Variants in CHRNB1 observed in about 807,000 individuals in gnomAD.
CHRNB1 encodes cholinergic receptor nicotinic beta 1 subunit.
A neutral mutation model predicts 53.8 loss-of-function variants in CHRNB1; 47 were observed. The observed-to-expected ratio is 0.87, with a 90% CI of 0.69 to 1.11. The LOEUF (loss-of-function observed/expected upper bound fraction) is 1.11. Ranked by LOEUF, CHRNB1 falls within the 50% of genes most tolerant of loss-of-function variation. The probability of loss-of-function intolerance (pLI) is 0.00; values close to 1 mark genes in which losing one functional copy is unlikely to be tolerated. For missense variants in CHRNB1, 605 were observed against 654.9 expected (o/e 0.92, Z 0.83); for synonymous variants, 259 against 263.5 (o/e 0.98, Z 0.16).
At chr17:7,455,519 T>C in intron 9 of CHRNB1, 63 bp downstream of exon 9, 1 of 1,598,834 alleles carries the variant, frequency 6.3e-7, no homozygotes, top group Non-Finnish European at 8.6e-7. Context: ...CAGAAGAGTG[T>C]GCGGAAGAAG....
rs755694034 is a variant in CHRNB1, at chr17:7,455,428, A to G, written c.1189A>G (p.Ser397Gly). Residue 397 changes from serine (S) to glycine (G), a missense_variant, in exon 9 of 11, where the codon AGT becomes GGT. Coordinates refer to ENST00000306071, the MANE Select transcript of CHRNB1 (RefSeq NM_000747.3). ...TGAATATTTCATCCGGAAGCCGCCAAGTGATTTTCTCTTCCCCAAACCCAA... is the reference window on the plus strand; with the variant it reads ...TGAATATTTCATCCGGAAGCCGCCAGGTGATTTTCTCTTCCCCAAACCCAA... Reference protein sequence around the residue: ...TDEYFIRKPPSDFLFPKPNRF... With the variant: ...TDEYFIRKPPGDFLFPKPNRF... 1 of 1,614,156 alleles carries G rather than the reference A, an allele frequency of 6.2e-7. No homozygotes were observed.
Position 7,448,727 on chromosome 17 carries a change from T to A in CHRNB1, c.759T>A (p.Ile253=). The A allele has an allele frequency of 1.2e-6, 2 of 1,614,238 alleles. No individual in the cohort carries two copies. Among genetic ancestry groups the A allele is most frequent in the South Asian group, 2.2e-5 (2 of 91,084 alleles). The change falls in exon 7 of 11, where the codon ATT becomes ATA. Residue 253 remains isoleucine, a synonymous_variant. Coordinates refer to ENST00000306071, the MANE Select transcript of CHRNB1 (RefSeq NM_000747.3). ...RKPLFYLVNV[I]APCILITLLA... ...CTCTCTTCTACCTGGTCAACGTCAT[T>A]GCCCCATGCATCCTCATCACTCTTC...
intron 7 of CHRNB1, among the ~76,000 whole-genome samples, chr17:7,449,976 G>A (rs1256124755): frequency 6.6e-6 from 1 of 151,146 alleles, no homozygotes; most frequent in East Asian, 2.0e-4. Flanking sequence ...CCCGGGAGGC[G>A]GAGCTTGCAG....
At chr17:7,455,577 T>A in intron 9 of CHRNB1, 121 bp downstream of exon 9, 1 of 1,317,224 alleles carries the variant, frequency 7.6e-7, no homozygotes, top group Non-Finnish European at 1.1e-6. Flanking sequence ...ATGGGAGTTG[T>A]AGTACTCCTG....
At position 7,446,915 on chromosome 17, in the gene CHRNB1, G is replaced by T. The variant is rs767921705; in HGVS notation, c.326G>T (p.Trp109Leu). ...DSLRITAESV[W>L]LPDVVLLNNN... ...CTCCGCATCACGGCGGAATCCGTGT[G>T]GCTCCCTGACGTGGTGCTACTGAAC... The change falls in exon 4 of 11, where the codon TGG (tryptophan) becomes TTG (leucine). Residue 109 changes from tryptophan (W) to leucine (L), a missense_variant. Transcript: ENST00000306071. 2 of 1,613,900 alleles carry T rather than the reference G, an allele frequency of 1.2e-6. No individual in the cohort carries two copies. The highest frequency in any genetic ancestry group is 2.2e-5 in the South Asian group (2 of 91,070).
At chr17:7,447,332 T>C in intron 5 of CHRNB1, 171 bp from the exon 6 acceptor site, 3 of 926,540 alleles carry the variant, frequency 3.2e-6, no homozygotes, top group East Asian at 2.6e-5. Context: ...CTTTGACTTC[T>C]AGTCTTACTC....
chr17:7,454,464 C>G lies in CHRNB1; in HGVS notation c.988C>G (p.Leu330Val), dbSNP rs1908999885. The G allele has an allele frequency of 1.2e-6, 2 of 1,613,976 alleles. No individual in the cohort carries two copies. The highest frequency in any genetic ancestry group is 2.7e-5 in the African/African-American group (2 of 74,890). The change falls in exon 8 of 11, where the codon CTC becomes GTC. Residue 330 changes from leucine to valine, a missense_variant. Physicochemically the swap from Leu to Val is conservative, Grantham distance 32. Transcript: ENST00000306071. ...TFSVILSVVV[L>V]NLHHRSPHTH... ...CTCAGTCATCCTTAGTGTCGTGGTT[C>G]TCAACCTGCACCACCGCTCACCCCA...
At chr17:7,446,544 C>T (rs1380405289) in intron 3 of CHRNB1, 2 of 544,418 alleles carry the variant, frequency 3.7e-6, no homozygotes, top group Non-Finnish European at 6.6e-6. Flanking sequence ...ATTCCCCATC[C>T]ACTAAAGGAT....
chr17:7,448,862 G>C (rs1025703080), intron 7 of CHRNB1, 74 bp downstream of exon 7: 2 of 1,517,122 alleles, frequency 1.3e-6, no homozygotes, highest in Admixed American at 1.7e-5. Context: ...ATCCAGGCAG[G>C]GTTTTCCTGC....
chr17:7,454,167 C>G, intron 7 of CHRNB1, 130 bp from the exon 8 acceptor site: 1 of 813,724 alleles, frequency 1.2e-6, no homozygotes. Flanking sequence ...GCCAGGACTA[C>G]AGGTGTGAAC....
chr17:7,453,376 C>T (rs567019941), intron 7 of CHRNB1, among the ~76,000 whole-genome samples: 27 of 152,198 alleles, frequency 1.8e-4, no homozygotes, highest in African/African-American at 6.0e-4. Context: ...GCCTCGGCCT[C>T]GCAAAGTGCT....
intron 10 of CHRNB1, 105 bp downstream of exon 10, chr17:7,456,046 T>G: frequency 1.1e-6 from 1 of 895,348 alleles, no homozygotes; most frequent in Non-Finnish European, 1.6e-6. Context: ...GGTTTTTTTT[T>G]GGCTTTTTTT....
intron 7 of CHRNB1, among the ~76,000 whole-genome samples, chr17:7,450,928 C>T (rs762193011): frequency 6.6e-6 from 1 of 152,166 alleles, no homozygotes; most frequent in Non-Finnish European, 1.5e-5. Context: ...CGTGGTGGCT[C>T]ACACCTGTAA....
At chr17:7,449,431 A>C (rs1908798792) in intron 7 of CHRNB1, among the ~76,000 whole-genome samples, 1 of 113,530 alleles carries the variant, frequency 8.8e-6, no homozygotes. Context: ...TTTTTGAGAC[A>C]GAGTCTTGCT....
Position 7,445,381 on chromosome 17 carries a change from GTCTCAT to G in CHRNB1, c.171_176del (p.Ile59_Leu60del). 6.2e-7 allele frequency: 1 copy of G among 1,612,658 alleles called. No homozygotes were observed. Among genetic ancestry groups the G allele is most frequent in the East Asian group, 2.2e-5 (1 of 44,852 alleles). On this transcript the variant is annotated inframe_deletion, in exon 2 of 11. Coordinates refer to ENST00000306071, the MANE Select transcript of CHRNB1 (RefSeq NM_000747.3). The surrounding 1 kb of genome is among the most constrained non-coding windows in gnomAD (Gnocchi z 5.7). Reference sequence around the variant, plus strand: ...GGAGACCGTGTCAGGGTCAGCGTTGGTCTCATCCTGGCGCAACTCATCAGCCTGGTG... The same window carrying G: ...GGAGACCGTGTCAGGGTCAGCGTTGGCCTGGCGCAACTCATCAGCCTGGTG...
chr17:7,445,102 G>C lies in CHRNB1; in HGVS notation c.-26G>C, dbSNP rs1400565193. ...TGGCGGTCCCAGCGGCTCTCTGAGC[G>C]AAGTCACTGAGCGAGCCGCCAGGCT... On this transcript the variant is annotated 5_prime_UTR_variant, in exon 1 of 11. Transcript: ENST00000306071. The surrounding 1 kb of genome is among the most constrained non-coding windows in gnomAD (Gnocchi z 5.7). The C allele has an allele frequency of 6.2e-7, 1 of 1,604,016 alleles. No individual in the cohort carries two copies. Among genetic ancestry groups the C allele is most frequent in the Non-Finnish European group, 8.5e-7 (1 of 1,178,530 alleles).
Position 7,455,541 on chromosome 17 carries a change from C to G in CHRNB1, c.1217+85C>G, listed in dbSNP as rs893204740. On this transcript the variant is annotated intron_variant, in intron 9 of 10. Coordinates refer to ENST00000306071, the MANE Select transcript of CHRNB1 (RefSeq NM_000747.3). ...GTGTGCGGAAGAAGCGGCCCATGCTCTCGGAAGACGCTGTGGTTGAGCATC... is the reference window on the plus strand; with the variant it reads ...GTGTGCGGAAGAAGCGGCCCATGCTGTCGGAAGACGCTGTGGTTGAGCATC... 3.9e-6 allele frequency: 6 copies of G among 1,534,554 alleles called. No homozygotes were observed. In the African/African-American group the frequency reaches 4.1e-5, roughly 10 times the overall value.
Position 7,448,804 on chromosome 17 carries a change from G to A in CHRNB1, c.820+16G>A. On this transcript the variant is annotated intron_variant, in intron 7 of 10. Transcript: ENST00000306071. ...CCAGATGCAGGTAATGGGGGAAGGG[G>A]CTCCTTACTCTTTTGTCATTGGCTC... 1 of 1,611,098 alleles carries A rather than the reference G, an allele frequency of 6.2e-7. No individual in the cohort carries two copies. Among genetic ancestry groups the A allele is most frequent in the Non-Finnish European group, 8.5e-7 (1 of 1,177,282 alleles).
chr17:7,450,689 A>G (rs1336704286), intron 7 of CHRNB1, among the ~76,000 whole-genome samples: 1 of 152,220 alleles, frequency 6.6e-6, no homozygotes, highest in Non-Finnish European at 1.5e-5. Context: ...CCTGTGAGGT[A>G]AGTAACGAAT....
Sources: allele counts gnomAD v4.1 joint callset (sites outside exome capture counted in the v4.1 genomes callset), GRCh38; gene constraint gnomAD v4.1.1; non-coding constraint Gnocchi (gnomAD v3.1); transcripts MANE v1.5; gene names NCBI Gene and HGNC (gene_info 2026-07-23, HGNC 2026-07-21).